TTLL11: variants seen among roughly 807,000 people sequenced by gnomAD.
TTLL11 encodes the protein tubulin tyrosine ligase like 11.
TTLL11 carries 42 observed loss-of-function variants against 51.7 expected under a neutral mutation model. The ratio of observed to expected loss-of-function variants is 0.81; its 90% confidence interval spans 0.64 to 1.05. The LOEUF is 1.05. Ranked by LOEUF, TTLL11 falls within the 50% of genes least tolerant of loss-of-function variation. TTLL11 has a pLI of 0.00. For synonymous variants in TTLL11, 381 were observed against 383.5 expected (o/e 0.99, Z 0.08); for missense variants, 799 against 940.4 (o/e 0.85, Z 1.97).
chr9:121,846,492 T>C (rs1837518031), intron 8 of TTLL11, among the ~76,000 whole-genome samples: 1 of 152,140 alleles, frequency 6.6e-6, no homozygotes, highest in African/African-American at 2.4e-5. Flanking sequence ...TTCTTCCCAG[T>C]TCAAATGAAA....
intron 1 of TTLL11, among the ~76,000 whole-genome samples, chr9:122,044,376 T>C (rs377304930): frequency 6.6e-6 from 1 of 152,306 alleles, no homozygotes; most frequent in Admixed American, 6.5e-5. Flanking sequence ...ATATACCCAG[T>C]AATGGGATGG....
At chr9:121,967,693 A>C (rs1842442699) in intron 6 of TTLL11, among the ~76,000 whole-genome samples, 1 of 152,220 alleles carries the variant, frequency 6.6e-6, no homozygotes, top group Non-Finnish European at 1.5e-5. Context: ...CAACATATGA[A>C]ATAGATCCTT....
chr9:122,032,797 C>CTTT (rs11371856), intron 2 of TTLL11, among the ~76,000 whole-genome samples: 3,592 of 138,592 alleles, frequency 0.026, 162 homozygotes, highest in African/African-American at 0.092. Context: ...TTCATTTTTT[C>CTTT]TTTTTTTTTT....
intron 6 of TTLL11, among the ~76,000 whole-genome samples, chr9:121,897,489 G>A (rs536807302): frequency 2.6e-5 from 4 of 151,846 alleles, no homozygotes; most frequent in East Asian, 3.9e-4. Context: ...TCATCTCTGC[G>A]ATGACTCCAG....
chr9:122,052,926 C>A (rs927237761), intron 1 of TTLL11, among the ~76,000 whole-genome samples: 1 of 152,216 alleles, frequency 6.6e-6, no homozygotes, highest in Admixed American at 6.5e-5. Context: ...AAGGTGAAAA[C>A]AACCGCATAG....
intron 6 of TTLL11, among the ~76,000 whole-genome samples, chr9:121,913,256 T>A (rs56288882): frequency 6.6e-6 from 1 of 152,074 alleles, no homozygotes; most frequent in African/African-American, 2.4e-5. Flanking sequence ...GTCTTTTTTT[T>A]AATTCATCTG....
chr9:121,920,978 A>G (rs1036625358), intron 6 of TTLL11, among the ~76,000 whole-genome samples: 1 of 152,224 alleles, frequency 6.6e-6, no homozygotes, highest in Non-Finnish European at 1.5e-5. Context: ...CTTTTGAGTT[A>G]TTTTGACTTC....
chr9:121,843,296 C>T (rs1837415542), intron 8 of TTLL11, among the ~76,000 whole-genome samples: 2 of 152,172 alleles, frequency 1.3e-5, no homozygotes, highest in Admixed American at 6.5e-5. Flanking sequence ...GGACAAGCCA[C>T]CACCCTAAAA....
chr9:121,975,641 G>A (rs1402013040), intron 4 of TTLL11, among the ~76,000 whole-genome samples: 2 of 152,184 alleles, frequency 1.3e-5, no homozygotes, highest in African/African-American at 4.8e-5. Flanking sequence ...GAACCCAGGA[G>A]GTGGAGGTTG....
chr9:121,965,811 G>C (rs1244281165), intron 6 of TTLL11, among the ~76,000 whole-genome samples: 2 of 152,200 alleles, frequency 1.3e-5, no homozygotes, highest in Non-Finnish European at 2.9e-5. Context: ...AGGGTTCTGG[G>C]TCTGGAGAAT....
Position 121,897,640 on chromosome 9 carries a change from A to ACACACACACACACATG in TTLL11, c.1482-26893_1482-26892insCATGTGTGTGTGTGTG, listed in dbSNP as rs111331446. Among the ~76,000 whole-genome samples, 1,039 of 139,384 alleles carry ACACACACACACACATG rather than the reference A, an allele frequency of 7.5e-3. 19 individuals are homozygous for ACACACACACACACATG. Among genetic ancestry groups the ACACACACACACACATG allele is most frequent in the African/African-American group, 0.026 (990 of 37,666 alleles). The allele number at this position is 139,384 out of a possible 152,430, so 91.4% of individuals were successfully genotyped here. A position where few individuals can be genotyped will look rare whatever the true frequency, so the allele number is the denominator to read the frequency against. ...CAGGCACACACACACACACACACAC[A>ACACACACACACACATG]CGCGCGCGCGAAGTCTCCAACTGCC... is the stretch of plus-strand genomic sequence containing the variant. On this transcript the variant is annotated intron_variant, in intron 6 of 8. Coordinates refer to ENST00000321582, the MANE Select transcript of TTLL11 (RefSeq NM_001139442.2).
At chr9:122,084,985 C>T (rs528943908) in intron 1 of TTLL11, among the ~76,000 whole-genome samples, 2 of 152,268 alleles carry the variant, frequency 1.3e-5, no homozygotes, top group Middle Eastern at 3.4e-3. Flanking sequence ...ACAGGCCAGG[C>T]GCGGTGGCTC....
At chr9:122,068,828 T>C (rs1312357906) in intron 1 of TTLL11, among the ~76,000 whole-genome samples, 6 of 152,102 alleles carry the variant, frequency 3.9e-5, no homozygotes, top group Non-Finnish European at 5.9e-5. Context: ...TTCCAGCCAG[T>C]GGGATGGGAC....
intron 6 of TTLL11, among the ~76,000 whole-genome samples, chr9:121,886,221 G>A (rs570909899): frequency 2.7e-4 from 41 of 152,286 alleles, no homozygotes; most frequent in African/African-American, 9.1e-4. Flanking sequence ...GGAACCATTA[G>A]GTAACAGCTG....
intron 8 of TTLL11, among the ~76,000 whole-genome samples, chr9:121,859,784 T>C (rs2131379250): frequency 6.6e-6 from 1 of 152,296 alleles, no homozygotes. Flanking sequence ...GGCCAGGCAA[T>C]AGCCCTGCCA....
intron 3 of TTLL11, among the ~76,000 whole-genome samples, chr9:122,027,089 ACT>A (rs1020448921): frequency 1.2e-4 from 19 of 152,184 alleles, no homozygotes; most frequent in African/African-American, 4.1e-4. Flanking sequence ...GCTTCAGGAA[ACT>A]CTCAATCGTG....
chr9:122,073,525 A>G lies in TTLL11; in HGVS notation c.462+19162T>C, dbSNP rs919588412. On this transcript the variant is annotated intron_variant, in intron 1 of 8. Coordinates refer to ENST00000321582, the MANE Select transcript of TTLL11 (RefSeq NM_001139442.2). ...GGGGTCTGAAGGAGCACAAAGCAGG[A>G]GCATCAACCCAAGGTGGGGAAGGAA... Among the ~76,000 whole-genome samples the G allele has an allele frequency of 3.0e-4, 46 of 152,250 alleles. 1 individual carries two copies. Among genetic ancestry groups the G allele is most frequent in the African/African-American group, 1.1e-3 (45 of 41,456 alleles).
In TTLL11 at chr9:121,817,466, A is replaced by G. The variant is rs1350189282; in HGVS notation, c.*5121T>C. On this transcript the variant is annotated 3_prime_UTR_variant, in exon 9 of 9. Coordinates refer to ENST00000321582, the MANE Select transcript of TTLL11 (RefSeq NM_001139442.2). ...GCGCCTTCGTTTACAAAACACTTTC[A>G]CATTGATGACATTTTCTGTGATCTC... 1.3e-5 allele frequency: 2 copies of G among 152,220 alleles called. No individual in the cohort carries two copies. The highest frequency in any genetic ancestry group is 6.5e-5 in the Admixed American group (1 of 15,280). 9.4% of individuals were successfully genotyped at this position (152,220 alleles called of 1,614,324 possible).
chr9:121,836,869 C>T (rs1837193907), intron 8 of TTLL11, among the ~76,000 whole-genome samples: 1 of 152,156 alleles, frequency 6.6e-6, no homozygotes, highest in South Asian at 2.1e-4. Context: ...AAGTGAAGGT[C>T]CTGTTTCCCT....
Sources: gnomAD v4.1 joint callset for allele counts (sites outside exome capture counted in the v4.1 genomes callset) on GRCh38, gnomAD v4.1.1 for gene constraint, MANE v1.5 for transcripts, NCBI Gene and HGNC (gene_info 2026-07-23, HGNC 2026-07-21) for gene names.